JAZF1: variants seen among roughly 807,000 people sequenced by gnomAD.
JAZF1 encodes juxtaposed with another zinc finger protein 1.
JAZF1 carries 8 observed loss-of-function variants against 26.4 expected under a neutral mutation model. The observed-to-expected ratio is 0.30, with a 90% CI of 0.18 to 0.55. The LOEUF (loss-of-function observed/expected upper bound fraction) is 0.55, where lower values mean the gene tolerates loss of function less well. Ranked by LOEUF, JAZF1 falls within the 20% of genes least tolerant of loss-of-function variation. The probability of loss-of-function intolerance (pLI) is 0.94; values close to 1 mark genes in which losing one functional copy is unlikely to be tolerated. For missense variants in JAZF1, 199 were observed against 322.0 expected (o/e 0.62, Z 2.92); for synonymous variants, 126 against 122.3 (o/e 1.03, Z -0.20).
intron 1 of JAZF1, among the ~76,000 whole-genome samples, chr7:28,174,696 T>A (rs1292277770): frequency 1.5e-5 from 1 of 66,980 alleles, no homozygotes; most frequent in Admixed American, 1.8e-4. Context: ...TGATGTTTTA[T>A]AAAGGATGAT....
chr7:28,002,105 C>T (rs1324859276), intron 1 of JAZF1, among the ~76,000 whole-genome samples: 1 of 152,200 alleles, frequency 6.6e-6, no homozygotes, highest in East Asian at 1.9e-4. Context: ...TTCCAACAGA[C>T]AACTGAACCA....
At chr7:28,038,092 CCAAA>C (rs1783324584) in intron 1 of JAZF1, among the ~76,000 whole-genome samples, 2 of 152,002 alleles carry the variant, frequency 1.3e-5, no homozygotes, top group African/African-American at 2.4e-5. Context: ...ACAAATGGTA[CCAAA>C]CAAAGGAAGA....
At chr7:27,903,639 A>T (rs575634930) in intron 2 of JAZF1, among the ~76,000 whole-genome samples, 1 of 152,230 alleles carries the variant, frequency 6.6e-6, no homozygotes, top group South Asian at 2.1e-4. Context: ...AAACTCATAC[A>T]CCTCTTCTTA....
At chr7:27,877,761 T>A (rs1036516149) in intron 3 of JAZF1, among the ~76,000 whole-genome samples, 1 of 152,206 alleles carries the variant, frequency 6.6e-6, no homozygotes, top group African/African-American at 2.4e-5. Context: ...TCTCAGATGA[T>A]CTCACACTTA....
intron 1 of JAZF1, among the ~76,000 whole-genome samples, chr7:28,080,752 T>C (rs1784122555): frequency 6.6e-6 from 1 of 152,176 alleles, no homozygotes; most frequent in Non-Finnish European, 1.5e-5. Flanking sequence ...CCGTCTTATA[T>C]GGGTGCAGTT....
At chr7:27,849,782 C>CACACACACACACA (rs1554329094) in intron 3 of JAZF1, among the ~76,000 whole-genome samples, 5 of 151,144 alleles carry the variant, frequency 3.3e-5, no homozygotes, top group African/African-American at 4.9e-5. Context: ...CACCCCTACA[C>CACACACACACACA]CTCTTCCCGG....
chr7:28,023,012 C>T (rs922674093), intron 1 of JAZF1, among the ~76,000 whole-genome samples: 3 of 152,076 alleles, frequency 2.0e-5, no homozygotes, highest in East Asian at 1.9e-4. Context: ...CTCTAGAGGT[C>T]GGTGCTTCGT....
At chr7:28,004,804 C>A (rs1223090182) in intron 1 of JAZF1, among the ~76,000 whole-genome samples, 1 of 152,084 alleles carries the variant, frequency 6.6e-6, no homozygotes, top group African/African-American at 2.4e-5. Flanking sequence ...AGGTGTGCAC[C>A]ACCACACCTA....
At chr7:28,002,906 T>C (rs1782627023) in intron 1 of JAZF1, among the ~76,000 whole-genome samples, 2 of 152,152 alleles carry the variant, frequency 1.3e-5, no homozygotes, top group South Asian at 4.2e-4. Flanking sequence ...TCAGGCTGCC[T>C]GAAAGAAATT....
chr7:27,842,453 G>T (rs1438219384), intron 3 of JAZF1: 1 of 152,078 alleles, frequency 6.6e-6, no homozygotes, highest in African/African-American at 2.4e-5. Flanking sequence ...TACTGAGATG[G>T]AATTCGAAGC....
rs1439581852 is a variant in JAZF1, at chr7:28,080,948, A to C, written c.116-88967T>G. Among the ~76,000 whole-genome samples, 7 of 152,302 alleles carry C rather than the reference A, an allele frequency of 4.6e-5. No individual in the cohort carries two copies. The East Asian group carries it at 1.3e-3, about 29-fold the overall frequency. On this transcript the variant is annotated intron_variant, in intron 1 of 4. Coordinates refer to ENST00000283928, the MANE Select transcript of JAZF1 (RefSeq NM_175061.4). The stretch of plus-strand genomic sequence containing the variant: ...ACAATTTGTAAAAAAAAACAAAAAA[A>C]AAAATGCACTGTCTGCCAAGTGTGG...
At position 27,895,199 on chromosome 7, in the gene JAZF1, CG is replaced by C; in HGVS notation, c.385+20del. On this transcript the variant is annotated intron_variant, in intron 3 of 4. Transcript: ENST00000283928. The stretch of plus-strand genomic sequence containing the variant: ...TTCTCCCCTCTCCTCCTTCTCAAGG[CG>C]GTAGGGCCAGGCCACTCACCTGTCG... 6.5e-7 allele frequency: 1 copy of C among 1,527,582 alleles called. No individual in the cohort carries two copies. The highest frequency in any genetic ancestry group is 8.9e-7 in the Non-Finnish European group (1 of 1,129,340). 94.6% of individuals were successfully genotyped at this position (1,527,582 alleles called of 1,614,324 possible). A position where few individuals can be genotyped will look rare whatever the true frequency, so the allele number is the denominator to read the frequency against.
At chr7:28,120,633 G>A (rs1190838555) in intron 1 of JAZF1, among the ~76,000 whole-genome samples, 10 of 147,318 alleles carry the variant, frequency 6.8e-5, no homozygotes, top group South Asian at 2.2e-4. Flanking sequence ...TCAGCCTCCC[G>A]AGTAGCTGGG....
chr7:28,040,627 C>T (rs139251352), intron 1 of JAZF1, among the ~76,000 whole-genome samples: 264 of 152,130 alleles, frequency 1.7e-3, no homozygotes, highest in African/African-American at 6.0e-3. Context: ...CTAGGCCACC[C>T]GGCAGATGAG....
intron 1 of JAZF1, among the ~76,000 whole-genome samples, chr7:28,148,148 G>A (rs1783055801): frequency 6.6e-6 from 1 of 151,582 alleles, no homozygotes; most frequent in Non-Finnish European, 1.5e-5. Flanking sequence ...TCAGCTCACT[G>A]CAACCTCTGC....
chr7:28,100,600 T>C (rs1431452736), intron 1 of JAZF1, among the ~76,000 whole-genome samples: 1 of 152,196 alleles, frequency 6.6e-6, no homozygotes, highest in Non-Finnish European at 1.5e-5. Context: ...ATGAGCAACA[T>C]GATTAGTGTC....
At chr7:28,152,496 T>C (rs1360301774) in intron 1 of JAZF1, among the ~76,000 whole-genome samples, 2 of 152,214 alleles carry the variant, frequency 1.3e-5, no homozygotes. Context: ...CTACTGCATT[T>C]CTTCTAATAC....
intron 2 of JAZF1, among the ~76,000 whole-genome samples, chr7:27,906,904 T>C (rs1033895021): frequency 2.6e-5 from 4 of 152,240 alleles, no homozygotes; most frequent in Admixed American, 6.5e-5. Context: ...GGTTTTGTGG[T>C]ATAAAACTAC....
intron 1 of JAZF1, among the ~76,000 whole-genome samples, chr7:28,126,750 G>A (rs1296686718): frequency 6.6e-6 from 1 of 152,184 alleles, no homozygotes; most frequent in East Asian, 1.9e-4. Context: ...CAGTGCAGGA[G>A]CAAAAGTCTG....
Sources: allele counts gnomAD v4.1 joint callset (sites outside exome capture counted in the v4.1 genomes callset), GRCh38; gene constraint gnomAD v4.1.1; transcripts MANE v1.5; gene names NCBI Gene and HGNC (gene_info 2026-07-23, HGNC 2026-07-21).